Variants in LRMDA observed in about 807,000 individuals in gnomAD.
The protein encoded by LRMDA is leucine rich melanocyte differentiation associated, also known as leucine-rich melanocyte differentiation-associated protein.
A neutral mutation model predicts 29.8 loss-of-function variants in LRMDA; 18 were observed. The ratio of observed to expected loss-of-function variants is 0.60; its 90% CI spans 0.42 to 0.90. LRMDA has a LOEUF of 0.90. Among genes scored for constraint, LRMDA ranks in the 40% least tolerant of loss-of-function variants. The pLI is 0.00. For synonymous variants in LRMDA, 125 were observed against 109.4 expected (o/e 1.14, Z -0.89); for missense variants, 273 against 273.9 (o/e 1.00, Z 0.02).
intron 6 of LRMDA, among the ~76,000 whole-genome samples, chr10:76,436,884 G>T (rs1201469261): frequency 1.3e-5 from 2 of 152,114 alleles, no homozygotes; most frequent in Non-Finnish European, 2.9e-5. Flanking sequence ...TTTGTTAGGG[G>T]AGACTGCAGC....
chr10:76,479,217 T>C (rs1401368357), intron 6 of LRMDA, among the ~76,000 whole-genome samples: 1 of 151,914 alleles, frequency 6.6e-6, no homozygotes, highest in East Asian at 1.9e-4. Context: ...AATTTTCTTA[T>C]TTGTGGACCT....
At chr10:76,399,749 C>T (rs1329614273) in intron 6 of LRMDA, among the ~76,000 whole-genome samples, 8 of 152,162 alleles carry the variant, frequency 5.3e-5, no homozygotes, top group Non-Finnish European at 5.9e-5. Context: ...CTTTTATTTT[C>T]TCCCTTGTCT....
At chr10:75,798,391 G>A (rs183114440) in intron 2 of LRMDA, among the ~76,000 whole-genome samples, 3 of 152,078 alleles carry the variant, frequency 2.0e-5, no homozygotes, top group East Asian at 1.9e-4. Flanking sequence ...AATCCCTGCC[G>A]AGGTCATGAA....
intron 2 of LRMDA, among the ~76,000 whole-genome samples, chr10:75,677,909 A>G (rs1266059197): frequency 1.3e-5 from 2 of 152,172 alleles, no homozygotes; most frequent in East Asian, 1.9e-4. Context: ...AAACATAAGG[A>G]TATTTTTACC....
Position 76,065,402 on chromosome 10 carries a change from C to T in LRMDA, c.516+6619C>T, listed in dbSNP as rs531050515. Among the ~76,000 whole-genome samples the T allele has an allele frequency of 7.2e-5, 11 of 152,304 alleles. No individual in the cohort carries two copies. In the South Asian group the frequency reaches 2.1e-3, roughly 29 times the overall value. On this transcript the variant is annotated intron_variant, in intron 5 of 6. Coordinates refer to ENST00000611255, the MANE Select transcript of LRMDA (RefSeq NM_001305581.2). The stretch of plus-strand genomic sequence containing the variant: ...GCCTCTTAGGGGCATTCCCAGGAGT[C>T]CTAGGGGCCTTGCCAGGTGCTGAGC...
rs73289087 is a variant in LRMDA at position 76,302,531 on chromosome 10, T to G, written c.517-21870T>G. On this transcript the variant is annotated intron_variant, in intron 5 of 6. Coordinates refer to ENST00000611255, the MANE Select transcript of LRMDA (RefSeq NM_001305581.2). ...CAGTTCACGCTTGGTTTCTTTTTTT[T>G]GGGGGGTGGTGGTGGGGATTCTGTT... is the stretch of plus-strand genomic sequence containing the variant. Among the ~76,000 whole-genome samples, 1,327 of 152,232 alleles carry G rather than the reference T, an allele frequency of 8.7e-3. 16 individuals carry two copies. Among genetic ancestry groups the G allele is most frequent in the African/African-American group, 0.029 (1,221 of 41,536 alleles).
chr10:76,242,642 G>A (rs1420536638), intron 5 of LRMDA, among the ~76,000 whole-genome samples: 1 of 152,154 alleles, frequency 6.6e-6, no homozygotes, highest in Non-Finnish European at 1.5e-5. Context: ...GCCATATTGA[G>A]TTAAGGGCCA....
chr10:75,961,905 G>A (rs914124998), intron 2 of LRMDA, among the ~76,000 whole-genome samples: 3 of 152,106 alleles, frequency 2.0e-5, no homozygotes, highest in Admixed American at 1.3e-4. Context: ...CTCTCTCCTG[G>A]CTTCTGGTGG....
intron 2 of LRMDA, among the ~76,000 whole-genome samples, chr10:75,488,820 G>C (rs1420651173): frequency 6.6e-6 from 1 of 152,106 alleles, no homozygotes; most frequent in East Asian, 1.9e-4. Flanking sequence ...GCACTGGGTG[G>C]GGATGCTAAA....
At position 76,308,399 on chromosome 10, in the gene LRMDA, C is replaced by T. The variant is rs76941673; in HGVS notation, c.517-16002C>T. Reference sequence around the variant, plus strand: ...CATCCTGGCATCTGGTCCTGAAAGACGAAGATGGATAGGGAGCCACATGGT... The same window carrying T: ...CATCCTGGCATCTGGTCCTGAAAGATGAAGATGGATAGGGAGCCACATGGT... On this transcript the variant is annotated intron_variant, in intron 5 of 6. Transcript: ENST00000611255. Among the ~76,000 whole-genome samples, 65 of 152,272 alleles carry T rather than the reference C, an allele frequency of 4.3e-4. No homozygotes were observed. In the East Asian group the frequency reaches 0.012, roughly 28 times the overall value.
chr10:75,544,569 A>T (rs990022533), intron 2 of LRMDA, among the ~76,000 whole-genome samples: 1 of 152,132 alleles, frequency 6.6e-6, no homozygotes, highest in Non-Finnish European at 1.5e-5. Context: ...CTCTTGCATG[A>T]TCCCAGCTGT....
chr10:75,755,491 A>G (rs886261223), intron 2 of LRMDA, among the ~76,000 whole-genome samples: 8 of 152,266 alleles, frequency 5.3e-5, no homozygotes, highest in Admixed American at 2.0e-4. Context: ...TAATGAGGAA[A>G]GAGACAAAGG....
intron 5 of LRMDA, among the ~76,000 whole-genome samples, chr10:76,286,335 G>T (rs1273513538): frequency 6.6e-6 from 1 of 152,204 alleles, no homozygotes. Context: ...AGATGACCTG[G>T]ATTCTAACCC....
At chr10:76,074,738 A>AT (rs913027546) in intron 5 of LRMDA, among the ~76,000 whole-genome samples, 2 of 151,210 alleles carry the variant, frequency 1.3e-5, no homozygotes, top group Non-Finnish European at 3.0e-5. Flanking sequence ...TCAGCCTGTC[A>AT]TTTTTTTTTC....
chr10:75,818,589 CCCTA>C (rs1182443811), intron 2 of LRMDA, among the ~76,000 whole-genome samples: 7 of 152,204 alleles, frequency 4.6e-5, no homozygotes, highest in Admixed American at 3.3e-4. Context: ...AGGTGCCCAG[CCCTA>C]CCTTCAACAT....
rs909707764 is a variant in LRMDA, at chr10:75,508,318, G to A, written c.131+69824G>A. ...AATCATTCTGTTGCACAGAGTACGT[G>A]ATAAATCAACCACAGGAGAGTCAGA... On this transcript the variant is annotated intron_variant, in intron 2 of 6. Transcript: ENST00000611255. Among the ~76,000 whole-genome samples, 35 of 152,072 alleles carry A rather than the reference G, an allele frequency of 2.3e-4. 1 individual carries two copies. The highest frequency in any genetic ancestry group is 8.2e-4 in the African/African-American group (34 of 41,384).
intron 2 of LRMDA, among the ~76,000 whole-genome samples, chr10:75,596,019 C>A (rs1840783032): frequency 6.6e-6 from 1 of 152,114 alleles, no homozygotes; most frequent in African/African-American, 2.4e-5. Context: ...CTATAGCAGT[C>A]ATCACTTCTA....
intron 6 of LRMDA, among the ~76,000 whole-genome samples, chr10:76,437,974 C>T (rs778331307): frequency 9.9e-5 from 15 of 152,168 alleles, no homozygotes; most frequent in Non-Finnish European, 1.2e-4. Context: ...AGTGACTTAT[C>T]GCAAGTCACT....
rs35821785 is a variant in LRMDA at position 76,375,723 on chromosome 10, A to ATT, written c.601+51253_601+51254dup. Among the ~76,000 whole-genome samples, 590 of 142,808 alleles carry ATT rather than the reference A, an allele frequency of 4.1e-3. 1 individual carries two copies. The highest frequency in any genetic ancestry group is 4.9e-3 in the African/African-American group (190 of 38,678). 93.7% of individuals were successfully genotyped at this position (142,808 alleles called of 152,430 possible). The stretch of plus-strand genomic sequence containing the variant: ...TAAACTTCTAAGTGTTCCATGCTGA[A>ATT]TTTTTTTTTTTTTTTTCGGGGGGAG... On this transcript the variant is annotated intron_variant, in intron 6 of 6. Coordinates refer to ENST00000611255, the MANE Select transcript of LRMDA (RefSeq NM_001305581.2).
Sources: allele counts gnomAD v4.1 joint callset (sites outside exome capture counted in the v4.1 genomes callset), GRCh38; gene constraint gnomAD v4.1.1; transcripts MANE v1.5; gene names NCBI Gene and HGNC (gene_info 2026-07-23, HGNC 2026-07-21).